The following GRM7 variants were observed in gnomAD, a reference collection of about 807,000 sequenced individuals.
The protein encoded by GRM7 is glutamate metabotropic receptor 7, also known as metabotropic glutamate receptor 7.
In GRM7, 35 loss-of-function variants were observed where a neutral mutation model predicts 84.5. The observed-to-expected ratio is 0.41, with a 90% confidence interval of 0.32 to 0.55. GRM7 has a LOEUF of 0.55. Ranked by LOEUF, GRM7 falls within the 20% of genes least tolerant of loss-of-function variation. GRM7 has a pLI of 0.19. For missense variants in GRM7, 1,003 were observed against 1,194.6 expected (o/e 0.84, Z 2.36); for synonymous variants, 487 against 455.1 (o/e 1.07, Z -0.89).
intron 5 of GRM7, among the ~76,000 whole-genome samples, chr3:7,438,146 T>G (rs941061993): frequency 9.2e-5 from 14 of 151,982 alleles, no homozygotes; most frequent in Admixed American, 4.6e-4. Context: ...TGGCCTAGTT[T>G]GCAATTTAGT....
chr3:7,734,236 T>C (rs931797426), intron 9 of GRM7, among the ~76,000 whole-genome samples: 6 of 108,362 alleles, frequency 5.5e-5, no homozygotes, highest in African/African-American at 2.3e-4. Flanking sequence ...GCCAATTTGC[T>C]TTGGCAGGGG....
intron 1 of GRM7, among the ~76,000 whole-genome samples, chr3:6,984,836 T>C (rs961047897): frequency 2.6e-5 from 4 of 152,194 alleles, no homozygotes; most frequent in Non-Finnish European, 5.9e-5. Flanking sequence ...TGGGGCAGAA[T>C]AAAGCTTTTT....
chr3:6,966,846 A>G (rs1693538654), intron 1 of GRM7, among the ~76,000 whole-genome samples: 2 of 152,200 alleles, frequency 1.3e-5, no homozygotes, highest in Non-Finnish European at 2.9e-5. Context: ...GATATCTGGG[A>G]GTATAAATCT....
chr3:7,740,318 GT>G, intron 9 of GRM7, 38 bp from the exon 10 acceptor site: 1 of 1,352,236 alleles, frequency 7.4e-7, no homozygotes, highest in Non-Finnish European at 1.0e-6. Flanking sequence ...TGCAAACAGG[GT>G]TATTACTGCA....
At chr3:7,075,552 A>G (rs973315624) in intron 1 of GRM7, among the ~76,000 whole-genome samples, 6 of 125,740 alleles carry the variant, frequency 4.8e-5, no homozygotes, top group African/African-American at 1.6e-4. Context: ...GTGTTTGGAG[A>G]TGGAGTCTCA....
At chr3:7,714,381 C>CTG (rs924890793) in intron 9 of GRM7, among the ~76,000 whole-genome samples, 1 of 152,188 alleles carries the variant, frequency 6.6e-6, no homozygotes, top group Non-Finnish European at 1.5e-5. Flanking sequence ...ATCTTCTAAA[C>CTG]TGTGTGTGTG....
At chr3:7,169,617 T>G (rs1010750501) in intron 2 of GRM7, among the ~76,000 whole-genome samples, 3 of 152,218 alleles carry the variant, frequency 2.0e-5, no homozygotes, top group African/African-American at 7.2e-5. Context: ...AAACGATAAG[T>G]TAGCTTCATC....
At chr3:7,590,214 GC>G (rs1358889719) in intron 8 of GRM7, among the ~76,000 whole-genome samples, 2 of 152,092 alleles carry the variant, frequency 1.3e-5, no homozygotes, top group South Asian at 2.1e-4. Context: ...AAACCTTCCA[GC>G]AGCTTCTCAT....
intron 7 of GRM7, among the ~76,000 whole-genome samples, chr3:7,534,827 C>G (rs3804928): frequency 6.6e-6 from 1 of 151,982 alleles, no homozygotes; most frequent in East Asian, 1.9e-4. Flanking sequence ...GTGAATCTAT[C>G]GAGAAATCTT....
intron 4 of GRM7, among the ~76,000 whole-genome samples, chr3:7,329,206 C>T (rs1701103016): frequency 6.6e-6 from 1 of 152,132 alleles, no homozygotes; most frequent in African/African-American, 2.4e-5. Flanking sequence ...TTCTCCTAAA[C>T]CTTGTTACTT....
intron 9 of GRM7, among the ~76,000 whole-genome samples, chr3:7,696,292 A>G (rs1023114058): frequency 1.3e-5 from 2 of 152,176 alleles, no homozygotes; most frequent in African/African-American, 4.8e-5. Context: ...ATGTTCTCTT[A>G]GTTGAGAAGG....
In GRM7 at chr3:7,620,110, AAGAAAGATGGTT is replaced by A. The variant is rs370378682; in HGVS notation, c.2451+40767_2451+40778del. On this transcript the variant is annotated intron_variant, in intron 8 of 9. Transcript: ENST00000357716. ...CCAATCGTATGAATAATTAGAAGAT[AAGAAAGATGGTT>A]AGAAAGATGGTTAAGACTCATTAGC... 2.3e-3 allele frequency among the ~76,000 whole-genome samples: 350 copies of A among 152,264 alleles called. 5 individuals are homozygous for A. Among genetic ancestry groups the A allele is most frequent in the African/African-American group, 7.8e-3 (326 of 41,568 alleles).
At chr3:7,622,420 G>A (rs1180813576) in intron 8 of GRM7, among the ~76,000 whole-genome samples, 1 of 152,024 alleles carries the variant, frequency 6.6e-6, no homozygotes, top group African/African-American at 2.4e-5. Flanking sequence ...TTATCATGTG[G>A]GAAGGCTACA....
intron 4 of GRM7, among the ~76,000 whole-genome samples, chr3:7,387,337 T>G (rs910687902): frequency 6.6e-6 from 1 of 152,200 alleles, no homozygotes; most frequent in African/African-American, 2.4e-5. Context: ...CATTTCCTTT[T>G]GGGGTTTTCA....
At chr3:7,514,676 C>T (rs1434195171) in intron 7 of GRM7, among the ~76,000 whole-genome samples, 4 of 152,110 alleles carry the variant, frequency 2.6e-5, no homozygotes, top group Non-Finnish European at 4.4e-5. Context: ...TTGGACCTGC[C>T]TTGTAAAAAC....
Position 7,724,943 on chromosome 3 carries a change from ATT to A in GRM7, c.2699-15405_2699-15404del, listed in dbSNP as rs35753128. Among the ~76,000 whole-genome samples, 4 of 151,560 alleles carry A rather than the reference ATT, an allele frequency of 2.6e-5. No homozygotes were observed. In the East Asian group the frequency reaches 5.9e-4, roughly 22 times the overall value. On this transcript the variant is annotated intron_variant, in intron 9 of 9. Transcript: ENST00000357716. ...CAGGCCCAGCTGTTGTTTTATTATT[ATT>A]TTTTTTTTATTTTTTACAGAGATGG...
chr3:7,030,960 T>G (rs1008917570), intron 1 of GRM7, among the ~76,000 whole-genome samples: 1 of 152,202 alleles, frequency 6.6e-6, no homozygotes, highest in Admixed American at 6.5e-5. Context: ...TAGACAAATC[T>G]TGGAATAGAT....
At chr3:7,469,165 T>G (rs756012806) in intron 7 of GRM7, among the ~76,000 whole-genome samples, 7 of 152,210 alleles carry the variant, frequency 4.6e-5, no homozygotes, top group Non-Finnish European at 7.3e-5. Flanking sequence ...ATTGTTGACT[T>G]AGCGTCCCAG....
Position 7,668,072 on chromosome 3 carries a change from T to C in GRM7, c.2452-11977T>C, listed in dbSNP as rs532967571. The stretch of plus-strand genomic sequence containing the variant: ...CTATAGGAGTTATTATTGACAATTA[T>C]GCTTTATGGTTTAGTGAATATATCA... On this transcript the variant is annotated intron_variant, in intron 8 of 9. Coordinates refer to ENST00000357716, the MANE Select transcript of GRM7 (RefSeq NM_000844.4). Among the ~76,000 whole-genome samples, 136 of 152,310 alleles carry C rather than the reference T, an allele frequency of 8.9e-4. 2 individuals carry two copies. The South Asian group carries it at 0.026, about 29-fold the overall frequency.
Sources: allele counts gnomAD v4.1 joint callset (sites outside exome capture counted in the v4.1 genomes callset), GRCh38; gene constraint gnomAD v4.1.1; transcripts MANE v1.5; gene names NCBI Gene and HGNC (gene_info 2026-07-23, HGNC 2026-07-21).